Variants in ATP8A2 observed in about 807,000 individuals in gnomAD.
The protein encoded by ATP8A2 is ATPase phospholipid transporting 8A2.
ATP8A2 carries 100 observed loss-of-function variants against 165.6 expected under a neutral mutation model. That is an observed-to-expected ratio of 0.60 (90% CI 0.51 to 0.71). ATP8A2 has a LOEUF of 0.71. ATP8A2 is among the 30% of genes least tolerant of loss of function. ATP8A2 has a pLI of 0.00. For missense variants in ATP8A2, 1,227 were observed against 1,479.5 expected (o/e 0.83, Z 2.80); for synonymous variants, 543 against 548.8 (o/e 0.99, Z 0.15).
intron 1 of ATP8A2, among the ~76,000 whole-genome samples, chr13:25,407,125 T>C (rs2033825960): frequency 6.6e-6 from 1 of 152,220 alleles, no homozygotes; most frequent in African/African-American, 2.4e-5. Context: ...ATATTCTCAG[T>C]GTCCACCCAA....
At chr13:25,862,979 T>G (rs1236504028) in intron 33 of ATP8A2, among the ~76,000 whole-genome samples, 1 of 152,196 alleles carries the variant, frequency 6.6e-6, no homozygotes, top group Non-Finnish European at 1.5e-5. Context: ...CTTTGTCCAG[T>G]GCATAAGATT....
chr13:25,868,566 T>C (rs1952584751), intron 33 of ATP8A2, among the ~76,000 whole-genome samples: 1 of 152,212 alleles, frequency 6.6e-6, no homozygotes, highest in Admixed American at 6.5e-5. Context: ...TCATACATTT[T>C]GTGGAATAGT....
At chr13:25,874,302 C>T (rs1952765033) in intron 33 of ATP8A2, among the ~76,000 whole-genome samples, 1 of 152,178 alleles carries the variant, frequency 6.6e-6, no homozygotes, top group Non-Finnish European at 1.5e-5. Flanking sequence ...CCTCTCACTT[C>T]CTGACTGCAC....
chr13:25,573,614 T>C (rs2039530827), intron 18 of ATP8A2, among the ~76,000 whole-genome samples: 1 of 152,176 alleles, frequency 6.6e-6, no homozygotes, highest in Admixed American at 6.5e-5. Flanking sequence ...TCCTCGCCAA[T>C]AGTCAGAACA....
At chr13:25,583,336 A>G (rs974829470) in intron 23 of ATP8A2, among the ~76,000 whole-genome samples, 3 of 152,166 alleles carry the variant, frequency 2.0e-5, no homozygotes, top group Admixed American at 2.0e-4. Context: ...ATACTTACCT[A>G]AAATTTAGGT....
intron 1 of ATP8A2, among the ~76,000 whole-genome samples, chr13:25,424,792 T>C (rs944739601): frequency 6.6e-6 from 1 of 152,116 alleles, no homozygotes; most frequent in African/African-American, 2.4e-5. Flanking sequence ...ACCCCGTCTC[T>C]ACTAAAAATA....
chr13:25,940,949 C>T (rs1044763224), intron 33 of ATP8A2, among the ~76,000 whole-genome samples: 6 of 152,224 alleles, frequency 3.9e-5, no homozygotes, highest in Admixed American at 3.3e-4. Flanking sequence ...GAGGGCTGGG[C>T]ACGTGCCATG....
intron 33 of ATP8A2, among the ~76,000 whole-genome samples, chr13:25,947,242 A>G (rs1566293681): frequency 6.6e-6 from 1 of 152,204 alleles, no homozygotes; most frequent in Non-Finnish European, 1.5e-5. Context: ...AGTGACTGAC[A>G]GGGACTTTTC....
At chr13:25,981,071 G>A (rs1220802668) in intron 35 of ATP8A2, among the ~76,000 whole-genome samples, 1 of 152,152 alleles carries the variant, frequency 6.6e-6, no homozygotes, top group Non-Finnish European at 1.5e-5. Context: ...AAGACAGTTT[G>A]CTTTATATCA....
chr13:25,667,109 C>G lies in ATP8A2; in HGVS notation c.2212-32064C>G, dbSNP rs947976660. On this transcript the variant is annotated intron_variant, in intron 24 of 36. Coordinates refer to ENST00000381655, the MANE Select transcript of ATP8A2 (RefSeq NM_016529.6). ...TAGTTCCAAAACATTTTCATTACCC[C>G]CAAATTAAAATCCTGTATCCATTAA... 3.9e-5 allele frequency among the ~76,000 whole-genome samples: 6 copies of G among 152,050 alleles called. No individual in the cohort carries two copies. The South Asian group carries it at 1.0e-3, about 26-fold the overall frequency.
intron 1 of ATP8A2, among the ~76,000 whole-genome samples, chr13:25,390,058 G>A (rs970023492): frequency 2.6e-5 from 4 of 152,130 alleles, no homozygotes; most frequent in Non-Finnish European, 5.9e-5. Flanking sequence ...GCAGTGGTGC[G>A]ATCTCAGCTG....
intron 2 of ATP8A2, among the ~76,000 whole-genome samples, chr13:25,523,409 A>T (rs914229776): frequency 6.6e-6 from 1 of 152,016 alleles, no homozygotes; most frequent in Non-Finnish European, 1.5e-5. Context: ...AGTAGCTAAG[A>T]CTTCAGGCAC....
chr13:25,996,478 A>C (rs558023055), intron 35 of ATP8A2, among the ~76,000 whole-genome samples: 1 of 152,256 alleles, frequency 6.6e-6, no homozygotes, highest in East Asian at 1.9e-4. Flanking sequence ...TTATGTTCCA[A>C]GATTTCTTCT....
intron 24 of ATP8A2, among the ~76,000 whole-genome samples, chr13:25,660,859 C>T (rs893959214): frequency 2.6e-5 from 4 of 152,118 alleles, no homozygotes; most frequent in Admixed American, 1.3e-4. Context: ...AAAAGGGACT[C>T]TTTCCTGTTT....
intron 25 of ATP8A2, among the ~76,000 whole-genome samples, chr13:25,754,583 T>A (rs2044221338): frequency 6.6e-6 from 1 of 152,150 alleles, no homozygotes; most frequent in African/African-American, 2.4e-5. Context: ...TATAGCCCCA[T>A]GTAACTAAGG....
At chr13:25,636,844 A>G (rs1354900978) in intron 24 of ATP8A2, among the ~76,000 whole-genome samples, 1 of 152,100 alleles carries the variant, frequency 6.6e-6, no homozygotes, top group East Asian at 1.9e-4. Flanking sequence ...TGTGATCCCA[A>G]TACTTTGGGA....
At chr13:25,632,341 G>A (rs2041260979) in intron 24 of ATP8A2, among the ~76,000 whole-genome samples, 1 of 152,100 alleles carries the variant, frequency 6.6e-6, no homozygotes, top group African/African-American at 2.4e-5. Context: ...TGGAGGTTGA[G>A]GGGTGGGGCT....
At chr13:25,464,548 GC>G (rs1310166053) in intron 1 of ATP8A2, among the ~76,000 whole-genome samples, 5 of 151,886 alleles carry the variant, frequency 3.3e-5, no homozygotes, top group African/African-American at 1.2e-4. Flanking sequence ...TAATAGGTCA[GC>G]CATATGCAGA....
intron 27 of ATP8A2, among the ~76,000 whole-genome samples, chr13:25,814,328 T>C (rs1292380824): frequency 1.3e-5 from 2 of 152,128 alleles, no homozygotes; most frequent in African/African-American, 4.8e-5. Flanking sequence ...ATGTAGAGAT[T>C]GCATTGAGTC....
Sources: gnomAD v4.1 joint callset for allele counts (sites outside exome capture counted in the v4.1 genomes callset) on GRCh38, gnomAD v4.1.1 for gene constraint, MANE v1.5 for transcripts, NCBI Gene and HGNC (gene_info 2026-07-23, HGNC 2026-07-21) for gene names.